The following POLA1 variants were observed in gnomAD, a reference collection of about 807,000 sequenced individuals.
The protein encoded by POLA1 is DNA polymerase alpha 1, catalytic subunit, also known as DNA polymerase alpha catalytic subunit.
In POLA1, 15 loss-of-function variants were observed where a neutral mutation model predicts 124.0. The observed-to-expected ratio is 0.12, with a 90% CI of 0.08 to 0.19. POLA1 has a LOEUF of 0.19. Ranked by LOEUF, POLA1 falls within the 10% of genes least tolerant of loss-of-function variation. The pLI is 1.00. For synonymous variants in POLA1, 408 were observed against 389.4 expected (o/e 1.05, Z -0.56); for missense variants, 886 against 1,103.4 (o/e 0.80, Z 2.79).
At chrX:24,732,548 A>G in intron 16 of POLA1, 94 bp downstream of exon 16, 1 of 541,837 alleles carries the variant, frequency 1.8e-6, no homozygotes, top group Non-Finnish European at 3.1e-6. Flanking sequence ...GTTTTTCAAA[A>G]ATTGTTTTCA....
intron 32 of POLA1, among the ~76,000 whole-genome samples, chrX:24,827,036 G>A (rs186977084): frequency 8.9e-6 from 1 of 111,787 alleles, no homozygotes; most frequent in East Asian, 2.8e-4. Flanking sequence ...TTTTTAACAT[G>A]AAATTTTTAA....
Position 24,974,786 on chromosome X carries a change from G to A in POLA1, c.4262-21019G>A, listed in dbSNP as rs755475731. Among the ~76,000 whole-genome samples, 8 of 111,807 alleles carry A rather than the reference G, an allele frequency of 7.2e-5. No individual in the cohort carries two copies. The South Asian group carries it at 1.1e-3, about 16-fold the overall frequency. ...GTGTACCTATGTAACAAACCTGCAC[G>A]TTCTGCACATGTATCCCAGAACTTA... On this transcript the variant is annotated intron_variant, in intron 36 of 36. Coordinates refer to ENST00000379068, the MANE Select transcript of POLA1 (RefSeq NM_001330360.2).
chrX:24,951,160 A>C (rs769921001), intron 36 of POLA1, among the ~76,000 whole-genome samples: 3 of 108,857 alleles, frequency 2.8e-5, no homozygotes, highest in Non-Finnish European at 5.7e-5. Context: ...ATCTTCACCA[A>C]AACAGGTCCC....
At chrX:24,881,987 G>A (rs2047009228) in intron 34 of POLA1, among the ~76,000 whole-genome samples, 1 of 111,384 alleles carries the variant, frequency 9.0e-6, no homozygotes, top group South Asian at 3.8e-4. Flanking sequence ...GTTCTTAATT[G>A]TTTGTGGAAG....
chrX:24,829,887 G>A lies in POLA1; in HGVS notation c.3736+3286G>A, dbSNP rs779937180. 4.4e-5 allele frequency among the ~76,000 whole-genome samples: 5 copies of A among 112,386 alleles called. No homozygotes were observed. In the South Asian group the frequency reaches 1.9e-3, roughly 42 times the overall value. Reference sequence around the variant, plus strand: ...TCTGTTTTCTTTATATAAAAAAACTGCAGCTAGTGAACTGACACCGTTAAA... The same window carrying A: ...TCTGTTTTCTTTATATAAAAAAACTACAGCTAGTGAACTGACACCGTTAAA... On this transcript the variant is annotated intron_variant, in intron 32 of 36. Coordinates refer to ENST00000379068, the MANE Select transcript of POLA1 (RefSeq NM_001330360.2).
intron 36 of POLA1, among the ~76,000 whole-genome samples, chrX:24,967,038 C>A (rs886598158): frequency 1.8e-5 from 2 of 110,535 alleles, no homozygotes; most frequent in African/African-American, 6.6e-5. Flanking sequence ...AAGATGGGTT[C>A]TTTTTTGTTA....
At chrX:24,705,490 T>G (rs1479203538) in intron 4 of POLA1, among the ~76,000 whole-genome samples, 1 of 111,536 alleles carries the variant, frequency 9.0e-6, no homozygotes, top group African/African-American at 3.3e-5. Flanking sequence ...CAGTGAACTT[T>G]TAGAACTTCA....
chrX:24,955,652 T>C (rs1373382326), intron 36 of POLA1, among the ~76,000 whole-genome samples: 1 of 111,661 alleles, frequency 9.0e-6, no homozygotes, highest in Non-Finnish European at 1.9e-5. Flanking sequence ...ACACATGGGG[T>C]GGGTTAGTAC....
intron 35 of POLA1, among the ~76,000 whole-genome samples, chrX:24,910,417 C>T (rs772261549): frequency 9.0e-6 from 1 of 110,672 alleles, no homozygotes; most frequent in Admixed American, 9.6e-5. Flanking sequence ...TATGTCCCAT[C>T]AATACCTAAT....
chrX:24,911,786 T>A (rs762195904), intron 35 of POLA1, among the ~76,000 whole-genome samples: 43 of 111,910 alleles, frequency 3.8e-4, no homozygotes, highest in African/African-American at 1.3e-3. Flanking sequence ...CTTTTAAAAA[T>A]AATAAGGGAA....
At chrX:24,863,041 T>C (rs1022032158) in intron 34 of POLA1, among the ~76,000 whole-genome samples, 1 of 112,214 alleles carries the variant, frequency 8.9e-6, no homozygotes, top group Non-Finnish European at 1.9e-5. Flanking sequence ...AAATTTTAGC[T>C]GGTCTAAAAA....
At position 24,841,722 on chromosome X, in the gene POLA1, C is replaced by T; in HGVS notation, c.3807C>T (p.Gly1269=). 1 of 1,184,017 alleles carries T rather than the reference C, an allele frequency of 8.4e-7. No individual in the cohort carries two copies. Among genetic ancestry groups the T allele is most frequent in the Non-Finnish European group, 1.1e-6 (1 of 872,058 alleles). Residue 1269 remains glycine, a synonymous_variant, in exon 33 of 37, where the codon GGC becomes GGT. Transcript: ENST00000379068. Reference sequence around the variant, plus strand: ...AAGAGAATGATGCTCTACTTGGTGGCCCAGCACAGCTCACTGATGAAGAGA... The same window carrying T: ...AAGAGAATGATGCTCTACTTGGTGGTCCAGCACAGCTCACTGATGAAGAGA... ...KDEENDALLG[G]PAQLTDEEKY...
rs1287902419 is a variant in POLA1, at chrX:24,737,729, G to A, written c.2028G>A (p.Met676Ile). The stretch of plus-strand genomic sequence containing the variant: ...TAGGTCGACTGAAGCGATCCAACAT[G>A]CCAAAGCTTGGGGTAATAATAATTT... ...SKIGRLKRSN[M>I]PKLGGRSGFG... The change falls in exon 19 of 37, where the codon ATG (methionine) becomes ATA (isoleucine). Residue 676 changes from methionine to isoleucine, a missense_variant. Met to Ile is a conservative substitution (Grantham distance 10). Around this residue, in one of 7 missense-constraint regions of POLA1, gnomAD observed 182 missense variants for 252.8 expected, o/e 0.72. Transcript: ENST00000379068. The A allele has an allele frequency of 5.6e-6, 6 of 1,064,560 alleles. No homozygotes were observed. Among genetic ancestry groups the A allele is most frequent in the African/African-American group, 1.8e-5 (1 of 54,348 alleles). 87.7% of individuals were successfully genotyped at this position (1,064,560 alleles called of 1,213,427 possible). A position where few individuals can be genotyped will look rare whatever the true frequency, so the allele number is the denominator to read the frequency against.
intron 35 of POLA1, among the ~76,000 whole-genome samples, chrX:24,912,207 A>T (rs995584207): frequency 8.9e-6 from 1 of 112,600 alleles, no homozygotes; most frequent in Admixed American, 9.4e-5. Flanking sequence ...CTCATACCTT[A>T]TACAAAAATT....
At chrX:24,751,139 A>G (rs1932300040) in intron 26 of POLA1, among the ~76,000 whole-genome samples, 1 of 111,442 alleles carries the variant, frequency 9.0e-6, no homozygotes, top group Admixed American at 9.6e-5. Flanking sequence ...ACGAGAGGCA[A>G]TAGTTGACAA....
chrX:24,902,004 G>A (rs1054120471), intron 35 of POLA1, among the ~76,000 whole-genome samples: 4 of 104,965 alleles, frequency 3.8e-5, no homozygotes, highest in African/African-American at 7.2e-5. Context: ...GCATGTGCGT[G>A]CACACACACA....
At chrX:24,731,389 A>C in intron 15 of POLA1, among the ~76,000 whole-genome samples, 1 of 112,369 alleles carries the variant, frequency 8.9e-6, no homozygotes, top group South Asian at 3.7e-4. Flanking sequence ...TTGTGTGGTA[A>C]ATAAAATTGA....
chrX:24,806,053 G>GTTTTTTTTTTT (rs751012614), intron 26 of POLA1, among the ~76,000 whole-genome samples: 1 of 35,302 alleles, frequency 2.8e-5, no homozygotes, highest in African/African-American at 1.2e-4. Context: ...GTGGTATGAG[G>GTTTTTTTTTTT]TTTTTTTTTT....
Position 24,801,920 on chromosome X carries a change from G to GTGTGTGTGT in POLA1, c.2965-7978_2965-7977insTGTGTGTGT, listed in dbSNP as rs1569317038. Among the ~76,000 whole-genome samples, 212 of 47,485 alleles carry GTGTGTGTGT rather than the reference G, an allele frequency of 4.5e-3. 1 individual carries two copies. Among genetic ancestry groups the GTGTGTGTGT allele is most frequent in the African/African-American group, 0.022 (206 of 9,264 alleles). The allele number at this position is 47,485 out of a possible 115,157, so 41.2% of individuals were successfully genotyped here. A position where few individuals can be genotyped will look rare whatever the true frequency, so the allele number is the denominator to read the frequency against. On this transcript the variant is annotated intron_variant, in intron 26 of 36. Coordinates refer to ENST00000379068, the MANE Select transcript of POLA1 (RefSeq NM_001330360.2). ...AGAAACAGAGCCACTAGGAGAGGTG[G>GTGTGTGTGT]GTGGGTGTGTGTGTGTGTGTGTGTG...
Sources: allele counts gnomAD v4.1 joint callset (sites outside exome capture counted in the v4.1 genomes callset), GRCh38; gene constraint gnomAD v4.1.1; regional missense constraint gnomAD v4.1.1; transcripts MANE v1.5; gene names NCBI Gene and HGNC (gene_info 2026-07-23, HGNC 2026-07-21).